The following PLPPR1 variants were observed in gnomAD, a reference collection of about 807,000 sequenced individuals.
PLPPR1 encodes the protein phospholipid phosphatase related 1.
In PLPPR1, 10 loss-of-function variants were observed where a neutral mutation model predicts 33.1. That is an observed-to-expected ratio of 0.30 (90% confidence interval 0.19 to 0.51). The LOEUF is 0.51. Ranked by LOEUF, PLPPR1 falls within the 20% of genes least tolerant of loss-of-function variation. The pLI is 0.97. For synonymous variants in PLPPR1, 151 were observed against 151.0 expected (o/e 1.00, Z 0.00); for missense variants, 304 against 408.1 (o/e 0.74, Z 2.20).
intron 2 of PLPPR1, among the ~76,000 whole-genome samples, chr9:101,201,747 T>A (rs768006100): frequency 1.1e-4 from 16 of 152,162 alleles, no homozygotes; most frequent in Non-Finnish European, 4.4e-5. Context: ...TTCAGGTTTC[T>A]TATCACATAG....
At chr9:101,270,095 TTATTGTCAGATACCCAAGAA>T in intron 3 of PLPPR1, 27 bp downstream of exon 3, 4 of 1,608,068 alleles carry the variant, frequency 2.5e-6, no homozygotes, top group Non-Finnish European at 3.4e-6. Flanking sequence ...ACTTTCCTCT[TTATTGTCAGATACCCAAGAA>T]TATTTTCTGT....
At chr9:101,034,684 A>G (rs1564126434) in intron 1 of PLPPR1, among the ~76,000 whole-genome samples, 1 of 152,128 alleles carries the variant, frequency 6.6e-6, no homozygotes, top group East Asian at 1.9e-4. Flanking sequence ...TTTGTTGTAA[A>G]GGTCGGACAG....
chr9:101,310,827 T>C (rs1828941540), intron 5 of PLPPR1, among the ~76,000 whole-genome samples: 1 of 152,092 alleles, frequency 6.6e-6, no homozygotes, highest in Non-Finnish European at 1.5e-5. Flanking sequence ...GTGACATGAG[T>C]ATGTGAAAAA....
chr9:101,294,100 T>C (rs953467012), intron 4 of PLPPR1, among the ~76,000 whole-genome samples: 3 of 151,900 alleles, frequency 2.0e-5, no homozygotes, highest in Non-Finnish European at 2.9e-5. Flanking sequence ...ATAGATGCAA[T>C]AAAAAATGAT....
intron 2 of PLPPR1, among the ~76,000 whole-genome samples, chr9:101,260,100 C>T (rs1224533539): frequency 6.6e-6 from 1 of 152,084 alleles, no homozygotes; most frequent in East Asian, 1.9e-4. Context: ...TATAACCTCA[C>T]TGAGGCCAGG....
At chr9:101,174,360 T>C (rs1398445947) in intron 1 of PLPPR1, among the ~76,000 whole-genome samples, 1 of 152,190 alleles carries the variant, frequency 6.6e-6, no homozygotes, top group African/African-American at 2.4e-5. Context: ...ATTCAACTTA[T>C]CCTCTATACA....
intron 1 of PLPPR1, among the ~76,000 whole-genome samples, chr9:101,122,013 G>A (rs893196570): frequency 6.6e-6 from 1 of 152,194 alleles, no homozygotes; most frequent in Non-Finnish European, 1.5e-5. Flanking sequence ...TTCCAATACT[G>A]TCTAGAAAGC....
At chr9:101,323,970 T>A in intron 7 of PLPPR1, 55 bp from the exon 8 acceptor site, 1 of 1,485,830 alleles carries the variant, frequency 6.7e-7, no homozygotes, top group South Asian at 1.1e-5. Flanking sequence ...CAAGTGAGTG[T>A]GCACGTGTCA....
chr9:101,117,484 C>T (rs1434700506), intron 1 of PLPPR1, among the ~76,000 whole-genome samples: 1 of 152,192 alleles, frequency 6.6e-6, no homozygotes, highest in South Asian at 2.1e-4. Flanking sequence ...GGAAGCTTCA[C>T]TTCCAGAAAT....
chr9:101,120,894 G>A (rs1164950831), intron 1 of PLPPR1, among the ~76,000 whole-genome samples: 1 of 152,162 alleles, frequency 6.6e-6, no homozygotes, highest in Non-Finnish European at 1.5e-5. Context: ...GACAGAATTA[G>A]AATTAATCAG....
intron 2 of PLPPR1, among the ~76,000 whole-genome samples, chr9:101,228,491 G>A (rs531839253): frequency 1.1e-4 from 16 of 151,928 alleles, no homozygotes; most frequent in Middle Eastern, 3.4e-3. Flanking sequence ...TTAAAAGCGC[G>A]GTGTAAAAAA....
chr9:101,057,592 C>T (rs1006640410), intron 1 of PLPPR1, among the ~76,000 whole-genome samples: 8 of 152,030 alleles, frequency 5.3e-5, no homozygotes, highest in Admixed American at 2.6e-4. Context: ...TACTATGAGC[C>T]AGGAACTATG....
intron 1 of PLPPR1, among the ~76,000 whole-genome samples, chr9:101,060,325 A>G (rs1830330068): frequency 6.6e-6 from 1 of 152,004 alleles, no homozygotes; most frequent in South Asian, 2.1e-4. Context: ...GAGTAGGAAA[A>G]TTAGGGAGAT....
chr9:101,215,632 C>G (rs1026171096), intron 2 of PLPPR1, among the ~76,000 whole-genome samples: 2 of 152,084 alleles, frequency 1.3e-5, no homozygotes, highest in African/African-American at 4.8e-5. Flanking sequence ...TTTATCTTCT[C>G]CTCCCTGCTT....
chr9:101,293,756 G>T (rs1321977173), intron 4 of PLPPR1, among the ~76,000 whole-genome samples: 1 of 152,020 alleles, frequency 6.6e-6, no homozygotes, highest in African/African-American at 2.4e-5. Flanking sequence ...TGAAACCAAC[G>T]AGAACAAAGA....
chr9:101,316,175 G>A (rs1331161327), intron 6 of PLPPR1, among the ~76,000 whole-genome samples: 1 of 151,924 alleles, frequency 6.6e-6, no homozygotes, highest in African/African-American at 2.4e-5. Context: ...GGTGGCTCAC[G>A]CCTGTAATTC....
chr9:101,274,615 T>C (rs1359904342), intron 3 of PLPPR1, among the ~76,000 whole-genome samples: 1 of 152,192 alleles, frequency 6.6e-6, no homozygotes, highest in East Asian at 1.9e-4. Flanking sequence ...CAGGGAAGTT[T>C]CATGGGAACA....
At chr9:101,091,260 TCTCA>T (rs2118532120) in intron 1 of PLPPR1, among the ~76,000 whole-genome samples, 1 of 152,234 alleles carries the variant, frequency 6.6e-6, no homozygotes, top group East Asian at 1.9e-4. Context: ...CCCTCCTCTC[TCTCA>T]CTGTGTTAAT....
At chr9:101,030,431 G>A (rs192167487) in intron 1 of PLPPR1, among the ~76,000 whole-genome samples, 1 of 151,156 alleles carries the variant, frequency 6.6e-6, no homozygotes, top group Non-Finnish European at 1.5e-5. Context: ...TAGTTTTGAG[G>A]TGTCTAGAAT....
Sources: allele counts gnomAD v4.1 joint callset (sites outside exome capture counted in the v4.1 genomes callset), GRCh38; gene constraint gnomAD v4.1.1; transcripts MANE v1.5; gene names NCBI Gene and HGNC (gene_info 2026-07-23, HGNC 2026-07-21).